Variants in PTPRR observed in about 807,000 individuals in gnomAD.
PTPRR encodes the protein protein tyrosine phosphatase receptor type R, also known as receptor-type tyrosine-protein phosphatase R.
PTPRR carries 38 observed loss-of-function variants against 77.2 expected under a neutral mutation model. The ratio of observed to expected loss-of-function variants is 0.49; its 90% confidence interval spans 0.38 to 0.65. PTPRR has a LOEUF of 0.65. PTPRR is among the 30% of genes least tolerant of loss of function. The pLI is 0.00. For synonymous variants in PTPRR, 299 were observed against 283.1 expected, an observed-to-expected ratio of 1.06 and a Z score of -0.57; for missense variants, 744 against 799.2, an observed-to-expected ratio of 0.93 and a Z score of 0.83.
intron 10 of PTPRR, among the ~76,000 whole-genome samples, chr12:70,676,873 T>G (rs542687220): frequency 1.3e-5 from 2 of 151,616 alleles, no homozygotes; most frequent in South Asian, 4.2e-4. Context: ...TTTTTTTTTT[T>G]GTCTCAAGAA....
intron 6 of PTPRR, among the ~76,000 whole-genome samples, chr12:70,709,660 A>G (rs1345135109): frequency 3.3e-5 from 5 of 152,164 alleles, no homozygotes; most frequent in African/African-American, 7.2e-5. Flanking sequence ...TCAATGTGCA[A>G]TGTGCAAAAA....
intron 2 of PTPRR, among the ~76,000 whole-genome samples, chr12:70,814,678 C>T (rs1419151725): frequency 6.6e-6 from 1 of 152,086 alleles, no homozygotes; most frequent in East Asian, 1.9e-4. Context: ...CTTAGAGATG[C>T]CTTCAAGACA....
chr12:70,691,566 A>G (rs961909402), intron 8 of PTPRR, among the ~76,000 whole-genome samples: 1 of 151,966 alleles, frequency 6.6e-6, no homozygotes, highest in Non-Finnish European at 1.5e-5. Context: ...CGGTCTCCTC[A>G]TTTATAGTCC....
intron 6 of PTPRR, among the ~76,000 whole-genome samples, chr12:70,735,013 G>A (rs753503375): frequency 2.6e-5 from 4 of 151,924 alleles, no homozygotes; most frequent in Non-Finnish European, 4.4e-5. Context: ...CTTCATTCCT[G>A]TGGGGTCTTT....
At chr12:70,912,226 G>T (rs1177260064) in intron 1 of PTPRR, among the ~76,000 whole-genome samples, 1 of 152,136 alleles carries the variant, frequency 6.6e-6, no homozygotes, top group Non-Finnish European at 1.5e-5. Flanking sequence ...GTCACCCAGT[G>T]GTGAACTGAT....
chr12:70,878,750 G>T (rs1459425124), intron 2 of PTPRR, among the ~76,000 whole-genome samples: 1 of 152,068 alleles, frequency 6.6e-6, no homozygotes, highest in African/African-American at 2.4e-5. Context: ...CCCATTACTG[G>T]GTATATACCC....
In PTPRR at chr12:70,890,864, C is replaced by T. The variant is rs189657362; in HGVS notation, c.357+1815G>A. On this transcript the variant is annotated intron_variant, in intron 2 of 13. Transcript: ENST00000283228. The stretch of plus-strand genomic sequence containing the variant: ...TATGCCCCATCCATACATCCATTTT[C>T]TGTATGGAATGGGTCTTCAAATCAG... Among the ~76,000 whole-genome samples, 31 of 152,194 alleles carry T rather than the reference C, an allele frequency of 2.0e-4. No homozygotes were observed. In the East Asian group the frequency reaches 5.8e-3, roughly 28 times the overall value.
chr12:70,821,242 T>TTTTTTTTTTTTTTTG (rs1592776472), intron 2 of PTPRR, among the ~76,000 whole-genome samples: 1 of 105,084 alleles, frequency 9.5e-6, no homozygotes. Flanking sequence ...TTTTTTTTTT[T>TTTTTTTTTTTTTTTG]AGGACAGAGT....
At chr12:70,911,571 C>T (rs1245179668) in intron 1 of PTPRR, among the ~76,000 whole-genome samples, 2 of 152,100 alleles carry the variant, frequency 1.3e-5, no homozygotes, top group Admixed American at 1.3e-4. Context: ...TTAAGTAGAA[C>T]TTGCTGAAGA....
intron 6 of PTPRR, among the ~76,000 whole-genome samples, chr12:70,724,544 C>T (rs1214120208): frequency 6.6e-6 from 1 of 152,166 alleles, no homozygotes; most frequent in Non-Finnish European, 1.5e-5. Flanking sequence ...GCTATTGCTG[C>T]TGTTTCTGCT....
At chr12:70,814,069 G>A (rs543563311) in intron 2 of PTPRR, among the ~76,000 whole-genome samples, 12 of 152,286 alleles carry the variant, frequency 7.9e-5, no homozygotes, top group East Asian at 1.9e-4. Context: ...AAAATTAACC[G>A]TAGATCAGTG....
intron 2 of PTPRR, among the ~76,000 whole-genome samples, chr12:70,835,293 A>G (rs1892281294): frequency 6.6e-6 from 1 of 152,150 alleles, no homozygotes; most frequent in African/African-American, 2.4e-5. Flanking sequence ...ACTTATAATT[A>G]GTGTTGAGTA....
intron 1 of PTPRR, among the ~76,000 whole-genome samples, chr12:70,894,486 G>A (rs1893391689): frequency 6.6e-6 from 1 of 151,580 alleles, no homozygotes; most frequent in Non-Finnish European, 1.5e-5. Context: ...TAACCCCAAA[G>A]GAATCACTTC....
chr12:70,643,384 A>C (rs554430939), intron 13 of PTPRR, among the ~76,000 whole-genome samples: 8 of 151,998 alleles, frequency 5.3e-5, no homozygotes, highest in Non-Finnish European at 1.0e-4. Flanking sequence ...CATGTTGCCC[A>C]AGCTGGTCTT....
chr12:70,800,660 G>A (rs975501900), intron 2 of PTPRR, among the ~76,000 whole-genome samples: 12 of 152,052 alleles, frequency 7.9e-5, no homozygotes, highest in Middle Eastern at 3.4e-3. Flanking sequence ...TGTGGGAGGC[G>A]GAGGTGGGTG....
At chr12:70,789,120 T>G in intron 2 of PTPRR, 1 of 430,556 alleles carries the variant, frequency 2.3e-6, no homozygotes, top group Non-Finnish European at 4.1e-6. Context: ...TTAGCAAAAC[T>G]GTAAGATGAG....
At chr12:70,721,470 T>C (rs1023098489) in intron 6 of PTPRR, among the ~76,000 whole-genome samples, 1 of 152,170 alleles carries the variant, frequency 6.6e-6, no homozygotes, top group African/African-American at 2.4e-5. Context: ...CCTGTCCAAA[T>C]AGATTATCAC....
chr12:70,808,202 GC>G (rs1298049341), intron 2 of PTPRR, among the ~76,000 whole-genome samples: 1 of 152,114 alleles, frequency 6.6e-6, no homozygotes. Context: ...GGAAATTCCA[GC>G]CTGGCAAATT....
rs924260798 is a variant in PTPRR at position 70,674,596 on chromosome 12, G to A, written c.1497+9531C>T. Among the ~76,000 whole-genome samples, 10 of 151,892 alleles carry A rather than the reference G, an allele frequency of 6.6e-5. No homozygotes were observed. In the East Asian group the frequency reaches 7.7e-4, roughly 12 times the overall value. ...ATTTCTAACTTAATGCACTGTAATC[G>A]AAGCATATATGTACAGTTATTCCTG... On this transcript the variant is annotated intron_variant, in intron 10 of 13. Transcript: ENST00000283228.
Sources: allele counts gnomAD v4.1 joint callset (sites outside exome capture counted in the v4.1 genomes callset), GRCh38; gene constraint gnomAD v4.1.1; transcripts MANE v1.5; gene names NCBI Gene and HGNC (gene_info 2026-07-23, HGNC 2026-07-21).